MAN1A2: variants seen among roughly 807,000 people sequenced by gnomAD.
The protein encoded by MAN1A2 is mannosyl-oligosaccharide 1,2-alpha-mannosidase IB.
In MAN1A2, 26 loss-of-function variants were observed where a neutral mutation model predicts 75.7. The ratio of observed to expected loss-of-function variants is 0.34; its 90% confidence interval spans 0.25 to 0.48. The LOEUF (loss-of-function observed/expected upper bound fraction) is 0.48. Ranked by LOEUF, MAN1A2 falls within the 20% of genes least tolerant of loss-of-function variation. The probability of loss-of-function intolerance (pLI) is 0.99; values close to 1 mark genes in which losing one functional copy is unlikely to be tolerated. For synonymous variants in MAN1A2, 247 were observed against 264.6 expected (o/e 0.93, Z 0.65); for missense variants, 562 against 775.5 (o/e 0.72, Z 3.27).
At chr1:117,482,072 G>GGT (rs1650514607) in intron 8 of MAN1A2, among the ~76,000 whole-genome samples, 2 of 151,478 alleles carry the variant, frequency 1.3e-5, no homozygotes, top group Admixed American at 1.3e-4. Flanking sequence ...AGCTTAGAAT[G>GGT]GTATATATAT....
chr1:117,470,973 G>A (rs951411951), intron 8 of MAN1A2, among the ~76,000 whole-genome samples: 1 of 151,734 alleles, frequency 6.6e-6, no homozygotes, highest in Non-Finnish European at 1.5e-5. Context: ...GGCAACAGAT[G>A]TAAAAGAATA....
chr1:117,385,180 A>G (rs1440050378), intron 1 of MAN1A2, among the ~76,000 whole-genome samples: 1 of 152,104 alleles, frequency 6.6e-6, no homozygotes, highest in Non-Finnish European at 1.5e-5. Flanking sequence ...TTCTCAGTAG[A>G]TCCCTGCAGA....
intron 5 of MAN1A2, among the ~76,000 whole-genome samples, chr1:117,424,192 C>G (rs1378156127): frequency 6.6e-6 from 1 of 151,888 alleles, no homozygotes; most frequent in Non-Finnish European, 1.5e-5. Context: ...TATTTTTGTT[C>G]TTTTCCTGCT....
intron 5 of MAN1A2, among the ~76,000 whole-genome samples, chr1:117,431,200 GGGGAGGGGGA>G (rs1648643529): frequency 5.3e-4 from 8 of 15,020 alleles, no homozygotes; most frequent in Non-Finnish European, 1.5e-3. Flanking sequence ...GGAGAGGGAG[GGGGAGGGGGA>G]GGGGGAGGGG....
intron 5 of MAN1A2, among the ~76,000 whole-genome samples, chr1:117,435,684 T>C (rs1274195724): frequency 6.6e-6 from 1 of 152,210 alleles, no homozygotes; most frequent in Non-Finnish European, 1.5e-5. Context: ...TGGTTCAAGA[T>C]AGAGGAACTG....
intron 1 of MAN1A2, among the ~76,000 whole-genome samples, chr1:117,389,411 G>C (rs1653646346): frequency 6.6e-6 from 1 of 152,146 alleles, no homozygotes; most frequent in East Asian, 1.9e-4. Flanking sequence ...GCAGTTCAAG[G>C]TAGGGTTTGC....
intron 5 of MAN1A2, among the ~76,000 whole-genome samples, chr1:117,432,566 A>C (rs540584546): frequency 6.6e-6 from 1 of 152,356 alleles, no homozygotes; most frequent in South Asian, 2.1e-4. Context: ...ATTGAAACTG[A>C]GTCAAGGTAA....
At chr1:117,466,199 T>A in intron 7 of MAN1A2, 135 bp from the exon 8 acceptor site, 1 of 547,030 alleles carries the variant, frequency 1.8e-6, no homozygotes, top group South Asian at 3.0e-5. Context: ...GACTTCCCCC[T>A]GCCCCTCCAA....
At chr1:117,447,635 G>T (rs1393787669) in intron 6 of MAN1A2, among the ~76,000 whole-genome samples, 1 of 152,112 alleles carries the variant, frequency 6.6e-6, no homozygotes, top group Non-Finnish European at 1.5e-5. Context: ...TTATCAGATA[G>T]ATAAATATAA....
chr1:117,523,283 G>T lies in MAN1A2; in HGVS notation c.*326G>T, dbSNP rs1651920053. 1 of 501,890 alleles carries T rather than the reference G, an allele frequency of 2.0e-6. No individual in the cohort carries two copies. Among genetic ancestry groups the T allele is most frequent in the Non-Finnish European group, 4.0e-6 (1 of 248,058 alleles). 31.1% of individuals were successfully genotyped at this position (501,890 alleles called of 1,614,324 possible). A position where few individuals can be genotyped will look rare whatever the true frequency, so the allele number is the denominator to read the frequency against. ...AGTCTGGAGGCTAGACTTCCTGAAA[G>T]CAAGTCAAGAATATAGAGCACCTTG... is the stretch of plus-strand genomic sequence containing the variant. On this transcript the variant is annotated 3_prime_UTR_variant, in exon 13 of 13. Coordinates refer to ENST00000356554, the MANE Select transcript of MAN1A2 (RefSeq NM_006699.5).
At position 117,528,698 on chromosome 1, in the gene MAN1A2, T is replaced by C. The variant is rs913525775; in HGVS notation, c.*5741T>C. On this transcript the variant is annotated 3_prime_UTR_variant, in exon 13 of 13. Coordinates refer to ENST00000356554, the MANE Select transcript of MAN1A2 (RefSeq NM_006699.5). ...TCCTTCAATATCACTGGTCTCAAAT[T>C]CATTGATAGAATTTTTTCTTAAACT... 3 of 152,094 alleles carry C rather than the reference T, an allele frequency of 2.0e-5. No individual in the cohort carries two copies. Among genetic ancestry groups the C allele is most frequent in the African/African-American group, 7.2e-5 (3 of 41,410 alleles). The allele number at this position is 152,094 out of a possible 1,614,324, so 9.4% of individuals were successfully genotyped here. A position where few individuals can be genotyped will look rare whatever the true frequency, so the allele number is the denominator to read the frequency against.
chr1:117,470,904 A>G (rs1650132172), intron 8 of MAN1A2, among the ~76,000 whole-genome samples: 1 of 152,032 alleles, frequency 6.6e-6, no homozygotes, highest in Non-Finnish European at 1.5e-5. Context: ...AATGTCTGTG[A>G]CATGCACATA....
chr1:117,434,335 A>G (rs556618571), intron 5 of MAN1A2, among the ~76,000 whole-genome samples: 1 of 152,332 alleles, frequency 6.6e-6, no homozygotes, highest in African/African-American at 2.4e-5. Context: ...TGTTGTATGT[A>G]TAATATGTAA....
At chr1:117,510,751 T>C (rs1036052863) in intron 12 of MAN1A2, among the ~76,000 whole-genome samples, 1 of 152,110 alleles carries the variant, frequency 6.6e-6, no homozygotes, top group Non-Finnish European at 1.5e-5. Context: ...CTGTTTTGTA[T>C]GCTAGGGCTG....
intron 1 of MAN1A2, among the ~76,000 whole-genome samples, chr1:117,392,372 GTC>G (rs1257364157): frequency 6.6e-6 from 1 of 151,974 alleles, no homozygotes; most frequent in Non-Finnish European, 1.5e-5. Flanking sequence ...GATCATGTAT[GTC>G]TTTCTCTGTT....
chr1:117,433,525 G>A (rs985553264), intron 5 of MAN1A2, among the ~76,000 whole-genome samples: 4 of 152,132 alleles, frequency 2.6e-5, no homozygotes, highest in Non-Finnish European at 4.4e-5. Flanking sequence ...ATTTAGCATT[G>A]TAATGAAAAT....
intron 8 of MAN1A2, among the ~76,000 whole-genome samples, chr1:117,484,630 G>T (rs918137732): frequency 1.3e-5 from 2 of 151,942 alleles, no homozygotes; most frequent in Non-Finnish European, 2.9e-5. Context: ...GCAAAAAGAG[G>T]TGTCTGTGAA....
At chr1:117,431,635 C>T (rs1173949870) in intron 5 of MAN1A2, among the ~76,000 whole-genome samples, 1 of 152,166 alleles carries the variant, frequency 6.6e-6, no homozygotes, top group African/African-American at 2.4e-5. Context: ...CACATTCAGT[C>T]AATTTAAAAA....
At chr1:117,371,816 A>T (rs1652973777) in intron 1 of MAN1A2, among the ~76,000 whole-genome samples, 1 of 149,674 alleles carries the variant, frequency 6.7e-6, no homozygotes, top group African/African-American at 2.5e-5. Context: ...TAAAGTCTGG[A>T]TTTCTGATCT....
Sources: allele counts gnomAD v4.1 joint callset (sites outside exome capture counted in the v4.1 genomes callset), GRCh38; gene constraint gnomAD v4.1.1; transcripts MANE v1.5; gene names NCBI Gene and HGNC (gene_info 2026-07-23, HGNC 2026-07-21).